Variants in CSGALNACT1 observed in about 807,000 individuals in gnomAD.
CSGALNACT1 encodes the protein beta4GalNAcT-1.
A neutral mutation model predicts 51.0 loss-of-function variants in CSGALNACT1; 52 were observed. The ratio of observed to expected loss-of-function variants is 1.02; its 90% CI spans 0.82 to 1.29. The LOEUF (loss-of-function observed/expected upper bound fraction) is 1.29, where lower values mean the gene tolerates loss of function less well. Ranked by LOEUF, CSGALNACT1 falls within the 50% of genes most tolerant of loss-of-function variation. The probability of loss-of-function intolerance (pLI) is 0.00; values close to 1 mark genes in which losing one functional copy is unlikely to be tolerated. For synonymous variants in CSGALNACT1, 341 were observed against 254.4 expected (o/e 1.34, Z -3.24); for missense variants, 935 against 679.2 (o/e 1.38, Z -4.19).
At chr8:19,540,124 A>G (rs1478933833) in intron 3 of CSGALNACT1, among the ~76,000 whole-genome samples, 2 of 152,150 alleles carry the variant, frequency 1.3e-5, no homozygotes, top group South Asian at 2.1e-4. Context: ...AAAAATGGCT[A>G]TTCCCATGGC....
chr8:19,650,004 T>C (rs1036388631), intron 1 of CSGALNACT1, among the ~76,000 whole-genome samples: 3 of 152,012 alleles, frequency 2.0e-5, no homozygotes, highest in Non-Finnish European at 2.9e-5. Flanking sequence ...CCTATTTCAG[T>C]ATGTTTTTCT....
intron 3 of CSGALNACT1, among the ~76,000 whole-genome samples, chr8:19,543,470 G>A (rs2085729602): frequency 6.6e-6 from 1 of 152,196 alleles, no homozygotes; most frequent in Non-Finnish European, 1.5e-5. Flanking sequence ...TAGACTGTTT[G>A]TAGAAACTGT....
chr8:19,461,770 CTG>C (rs2065522774), intron 4 of CSGALNACT1, among the ~76,000 whole-genome samples: 1 of 144,262 alleles, frequency 6.9e-6, no homozygotes, highest in African/African-American at 2.5e-5. Flanking sequence ...GAGGGCGTAT[CTG>C]CACAGCAGCC....
intron 6 of CSGALNACT1, among the ~76,000 whole-genome samples, chr8:19,428,622 G>A (rs2059150651): frequency 6.6e-6 from 1 of 152,146 alleles, no homozygotes; most frequent in African/African-American, 2.4e-5. Flanking sequence ...TGGGTAAGCT[G>A]CCCTACATAA....
At chr8:19,731,919 C>T (rs1479707227) in intron 1 of CSGALNACT1, among the ~76,000 whole-genome samples, 2 of 152,234 alleles carry the variant, frequency 1.3e-5, no homozygotes, top group Middle Eastern at 3.4e-3. Flanking sequence ...GCTGTCAGGC[C>T]GTGCTGCAAC....
intron 1 of CSGALNACT1, among the ~76,000 whole-genome samples, chr8:19,711,687 A>C (rs769330367): frequency 3.9e-5 from 6 of 152,166 alleles, no homozygotes; most frequent in Non-Finnish European, 5.9e-5. Context: ...GAAGAAGGGA[A>C]TCTCAATATG....
At chr8:19,737,976 G>T (rs971529749) in intron 1 of CSGALNACT1, among the ~76,000 whole-genome samples, 11 of 152,206 alleles carry the variant, frequency 7.2e-5, no homozygotes, top group African/African-American at 2.2e-4. Context: ...AGTGGTGATA[G>T]TTGCATAACA....
At chr8:19,666,795 GAA>G (rs1321077018) in intron 1 of CSGALNACT1, among the ~76,000 whole-genome samples, 814 of 40,802 alleles carry the variant, frequency 0.02, 13 homozygotes, top group Middle Eastern at 0.026. Context: ...AAGAAAGAAA[GAA>G]AGAAAGAAAG....
At chr8:19,541,467 T>G (rs1257367024) in intron 3 of CSGALNACT1, among the ~76,000 whole-genome samples, 1 of 150,578 alleles carries the variant, frequency 6.6e-6, no homozygotes. Context: ...TTAGCCAGGA[T>G]GGTCTCGATC....
At chr8:19,578,396 C>A (rs1340657071) in intron 3 of CSGALNACT1, among the ~76,000 whole-genome samples, 1 of 152,168 alleles carries the variant, frequency 6.6e-6, no homozygotes, top group Non-Finnish European at 1.5e-5. Context: ...CACCTGTGAT[C>A]CTGCTGCCTG....
chr8:19,430,770 A>G (rs1469501936), intron 6 of CSGALNACT1, among the ~76,000 whole-genome samples: 1 of 152,182 alleles, frequency 6.6e-6, no homozygotes, highest in East Asian at 1.9e-4. Context: ...TACTGAAACT[A>G]TAGATCGACT....
chr8:19,411,336 G>A (rs1041729185), intron 8 of CSGALNACT1, among the ~76,000 whole-genome samples: 2 of 152,234 alleles, frequency 1.3e-5, no homozygotes, highest in Non-Finnish European at 2.9e-5. Context: ...ACTGTCTTCA[G>A]TCACTAGCCC....
intron 1 of CSGALNACT1, among the ~76,000 whole-genome samples, chr8:19,721,242 C>T (rs2063112399): frequency 6.6e-6 from 1 of 152,152 alleles, no homozygotes; most frequent in African/African-American, 2.4e-5. Context: ...GAACAACATC[C>T]CGGAGACTGT....
At chr8:19,727,039 A>G (rs537405576) in intron 1 of CSGALNACT1, among the ~76,000 whole-genome samples, 4 of 152,254 alleles carry the variant, frequency 2.6e-5, no homozygotes, top group Non-Finnish European at 4.4e-5. Flanking sequence ...TCAAAATTCA[A>G]ATCCCTGGGA....
chr8:19,722,680 TGGATGGGCACTGGCCTTGCACTC>T, intron 1 of CSGALNACT1, among the ~76,000 whole-genome samples: 1 of 152,274 alleles, frequency 6.6e-6, no homozygotes, highest in African/African-American at 2.4e-5. Context: ...ACCAGAGTCA[TGGATGGGCACTGGCCTTGCACTC>T]TCACCGAGGG....
At chr8:19,505,323 G>T in exon 4 of CSGALNACT1, 1 of 1,614,172 alleles carries the variant, frequency 6.2e-7, no homozygotes, top group South Asian at 1.1e-5. Flanking sequence ...CTTCCTCACA[G>T]GCTTCTCCTC....
At chr8:19,541,064 C>T (rs150361635) in intron 3 of CSGALNACT1, among the ~76,000 whole-genome samples, 2 of 151,702 alleles carry the variant, frequency 1.3e-5, no homozygotes, top group African/African-American at 4.8e-5. Context: ...CAAAATTATA[C>T]TAATGTATTT....
chr8:19,459,799 T>C (rs548386209), intron 4 of CSGALNACT1, among the ~76,000 whole-genome samples: 2 of 152,184 alleles, frequency 1.3e-5, no homozygotes, highest in Non-Finnish European at 2.9e-5. Context: ...AAACCCTCGA[T>C]AAATGTTAGC....
In CSGALNACT1 at chr8:19,757,424, G is replaced by C. The variant is rs2154256012; in HGVS notation, c.-297+426C>G. The C allele has an allele frequency of 6.6e-6, 1 of 152,648 alleles. No individual in the cohort carries two copies. The highest frequency in any genetic ancestry group is 6.5e-5 in the Admixed American group (1 of 15,276). 9.5% of individuals were successfully genotyped at this position (152,648 alleles called of 1,614,324 possible). ...GGTCCGGCGGGGGCGGCCAAGGCCG[G>C]GCTGGGGTCGCGGTTGGCCGCGTAC... On this transcript the variant is annotated intron_variant, in intron 1 of 1. Coordinates refer to the CSGALNACT1 transcript ENST00000517494. This position sits in a 1 kb window ranked among gnomAD's most constrained non-coding sequence, Gnocchi z 4.0.
Sources: allele counts gnomAD v4.1 joint callset (sites outside exome capture counted in the v4.1 genomes callset), GRCh38; gene constraint gnomAD v4.1.1; non-coding constraint Gnocchi (gnomAD v3.1); transcripts MANE v1.5; gene names NCBI Gene and HGNC (gene_info 2026-07-23, HGNC 2026-07-21).